The following NEMF variants were observed in gnomAD, a reference collection of about 807,000 sequenced individuals.
NEMF encodes the protein nuclear export mediator factor.
A neutral mutation model predicts 162.2 loss-of-function variants in NEMF; 89 were observed. The ratio of observed to expected loss-of-function variants is 0.55; its 90% CI spans 0.46 to 0.65. NEMF has a LOEUF of 0.65. NEMF is among the 30% of genes least tolerant of loss of function. NEMF has a pLI of 0.00. For synonymous variants in NEMF, 421 were observed against 404.5 expected, an observed-to-expected ratio of 1.04 and a Z score of -0.49; for missense variants, 1,133 against 1,261.9, an observed-to-expected ratio of 0.90 and a Z score of 1.55.
chr14:49,807,260 A>G (rs1891258156), intron 18 of NEMF, among the ~76,000 whole-genome samples: 1 of 152,248 alleles, frequency 6.6e-6, no homozygotes, highest in South Asian at 2.1e-4. Flanking sequence ...TTATATGGAT[A>G]TATCACATTT....
At chr14:49,852,325 G>A (rs1297076796) in intron 1 of NEMF, among the ~76,000 whole-genome samples, 1 of 152,218 alleles carries the variant, frequency 6.6e-6, no homozygotes, top group Non-Finnish European at 1.5e-5. Flanking sequence ...AGGGGAGGGA[G>A]GTGTTCAAGA....
intron 22 of NEMF, among the ~76,000 whole-genome samples, chr14:49,801,870 CA>C (rs1890970676): frequency 6.6e-6 from 1 of 152,118 alleles, no homozygotes; most frequent in Non-Finnish European, 1.5e-5. Context: ...CTTTGTTAAA[CA>C]CATTTATGCA....
At chr14:49,850,085 T>C (rs1419898873) in intron 3 of NEMF, among the ~76,000 whole-genome samples, 1 of 152,086 alleles carries the variant, frequency 6.6e-6, no homozygotes, top group Non-Finnish European at 1.5e-5. Context: ...TTCTAATATG[T>C]GTCAGGTATT....
chr14:49,802,543 C>G lies in NEMF; in HGVS notation c.2005G>C (p.Gly669Arg). The change falls in exon 22 of 33, where the codon GGT (glycine) becomes CGT (arginine). Residue 669 changes from glycine to arginine, a missense_variant. By Grantham distance (125) the Gly-to-Arg change is moderately radical. Around this residue, in one of 3 missense-constraint regions of NEMF, gnomAD observed 532 missense variants for 578.6 expected, o/e 0.92. Transcript: ENST00000298310. ...VDESCVWRHQGERKVRVQDED... is the reference protein window; with the variant it reads ...VDESCVWRHQRERKVRVQDED... ...TCCTGTACTCTGACTTTTCGTTCAC[C>G]CTGATGTCTCCAAACACAAGACTCA... 1 of 1,613,858 alleles carries G rather than the reference C, an allele frequency of 6.2e-7. No individual in the cohort carries two copies. The highest frequency in any genetic ancestry group is 8.5e-7 in the Non-Finnish European group (1 of 1,179,934).
Position 49,782,567 on chromosome 14 carries a change from T to G in NEMF, c.*2069A>C. ...GCACACAGTAATGAAATACTAATATTTTCAGTTCAACCAAAATCTCTTGTA... is the reference window on the plus strand; with the variant it reads ...GCACACAGTAATGAAATACTAATATGTTCAGTTCAACCAAAATCTCTTGTA... On this transcript the variant is annotated 3_prime_UTR_variant, in exon 33 of 33. Transcript: ENST00000298310. The G allele has an allele frequency of 6.2e-7, 1 of 1,607,578 alleles. No individual in the cohort carries two copies. Among genetic ancestry groups the G allele is most frequent in the Non-Finnish European group, 8.5e-7 (1 of 1,176,014 alleles).
intron 22 of NEMF, chr14:49,800,943 C>T (rs1241741944): frequency 7.4e-6 from 3 of 404,034 alleles, no homozygotes; most frequent in Non-Finnish European, 1.3e-5. Flanking sequence ...ACCCTTTCAA[C>T]AATGAAAACC....
chr14:49,806,385 C>A (rs771859735), intron 18 of NEMF, among the ~76,000 whole-genome samples: 144 of 148,478 alleles, frequency 9.7e-4, no homozygotes, highest in Admixed American at 1.9e-3. Context: ...CTCAGCCTCC[C>A]GAGTAGCTGC....
At chr14:49,801,398 G>A (rs1434473229) in intron 22 of NEMF, 7 of 151,988 alleles carry the variant, frequency 4.6e-5, no homozygotes, top group African/African-American at 1.7e-4. Context: ...TGAGGCAGAA[G>A]AATTGCTAGA....
In NEMF at chr14:49,784,429, A is replaced by G. The variant is rs1890061005; in HGVS notation, c.*207T>C. On this transcript the variant is annotated 3_prime_UTR_variant, in exon 33 of 33. Transcript: ENST00000298310. ...ATTAATTAGCATTTAACTGTCCACA[A>G]ATACTTTTGGAAATCCTATCATAGA... 2 of 469,628 alleles carry G rather than the reference A, an allele frequency of 4.3e-6. No individual in the cohort carries two copies. Among genetic ancestry groups the G allele is most frequent in the South Asian group, 8.3e-5 (2 of 24,028 alleles). 29.1% of individuals were successfully genotyped at this position (469,628 alleles called of 1,614,324 possible).
intron 3 of NEMF, among the ~76,000 whole-genome samples, chr14:49,847,706 CTTTTTTTTTT>C (rs79188374): frequency 8.4e-4 from 116 of 138,050 alleles, no homozygotes; most frequent in African/African-American, 3.0e-3. Context: ...CCTACCAATT[CTTTTTTTTTT>C]TTTTTTTTTT....
chr14:49,851,837 T>C lies in NEMF; in HGVS notation c.98A>G (p.Asp33Gly), dbSNP rs202164770. Residue 33 changes from aspartate (D) to glycine (G), a missense_variant, in exon 2 of 33, where the codon GAT (aspartate) becomes GGT (glycine). Coordinates refer to ENST00000298310, the MANE Select transcript of NEMF (RefSeq NM_004713.6). ...GMRVNNVYDVDNKTYLIRLQK... is the reference protein window; with the variant it reads ...GMRVNNVYDVGNKTYLIRLQK... The stretch of plus-strand genomic sequence containing the variant: ...AAGACGAATAAGGTATGTCTTATTA[T>C]CCACATCATAAACATTGTTTACTCT... The C allele has an allele frequency of 1.7e-5, 27 of 1,587,944 alleles. No individual in the cohort carries two copies. In the East Asian group the frequency reaches 6.0e-4, roughly 35 times the overall value.
chr14:49,807,528 G>A (rs1041470366), intron 18 of NEMF, among the ~76,000 whole-genome samples: 1 of 150,154 alleles, frequency 6.7e-6, no homozygotes, highest in Non-Finnish European at 1.5e-5. Context: ...TCACCAACAC[G>A]TGTTATTGTT....
At chr14:49,832,491 C>A (rs927745138) in intron 8 of NEMF, among the ~76,000 whole-genome samples, 1 of 152,038 alleles carries the variant, frequency 6.6e-6, no homozygotes, top group Admixed American at 6.6e-5. Context: ...GCCACCATAC[C>A]TGGCTAATTT....
Position 49,806,117 on chromosome 14 carries a change from T to TG in NEMF, c.1760dup (p.Arg588ThrfsTer5). 6 of 1,610,822 alleles carry TG rather than the reference T, an allele frequency of 3.7e-6. No homozygotes were observed. The highest frequency in any genetic ancestry group is 5.1e-6 in the Non-Finnish European group (6 of 1,178,938). ...TTGTGCCAGCTTCAGTCAAGGTCCG[T>TG]GGGGGGATGGGTTCTCCTAGAATAA... On this transcript the variant is annotated frameshift_variant, in exon 19 of 33. Coordinates refer to ENST00000298310, the MANE Select transcript of NEMF (RefSeq NM_004713.6). LOFTEE classifies it high-confidence loss of function.
intron 15 of NEMF, 113 bp downstream of exon 15, chr14:49,828,178 G>A: frequency 2.5e-6 from 2 of 811,102 alleles, no homozygotes; most frequent in East Asian, 2.6e-5. Flanking sequence ...GCAAAGTTAA[G>A]TTTGAAAGAT....
At chr14:49,831,179 G>A (rs779538350) in intron 11 of NEMF, 120 bp downstream of exon 11, 13 of 613,880 alleles carry the variant, frequency 2.1e-5, no homozygotes, top group Non-Finnish European at 3.5e-5. Flanking sequence ...AAAGAGGCAG[G>A]TCAGAGAGTT....
intron 29 of NEMF, 161 bp from the exon 30 acceptor site, chr14:49,785,481 A>AAG: frequency 1.7e-6 from 1 of 598,184 alleles, no homozygotes; most frequent in Non-Finnish European, 3.0e-6. Flanking sequence ...CATAGTTCCA[A>AAG]AGAGTTGAAG....
intron 3 of NEMF, among the ~76,000 whole-genome samples, chr14:49,846,743 G>T (rs1225014936): frequency 6.6e-6 from 1 of 152,186 alleles, no homozygotes; most frequent in Non-Finnish European, 1.5e-5. Flanking sequence ...GGGATTACAA[G>T]CGTAAGCTAC....
rs1167096923 is a variant in NEMF at position 49,784,637 on chromosome 14, T to A, written c.3230A>T (p.Ter1077LeuextTer3). 9 of 1,603,382 alleles carry A rather than the reference T, an allele frequency of 5.6e-6. No homozygotes were observed. In the East Asian group the frequency reaches 2.0e-4, roughly 36 times the overall value. ...AAATATTTTAGAATTTCATTTCAGC[T>A]ATTTCCTTTTTACGTTCAGAAGATT... ...APNLLNVKRK[*>L] Residue 1077 changes from the stop codon to leucine (L), a stop_lost, in exon 33 of 33, where the codon TAG becomes TTG. Transcript: ENST00000298310.
Sources: allele counts gnomAD v4.1 joint callset (sites outside exome capture counted in the v4.1 genomes callset), GRCh38; gene constraint gnomAD v4.1.1; regional missense constraint gnomAD v4.1.1; transcripts MANE v1.5; gene names NCBI Gene and HGNC (gene_info 2026-07-23, HGNC 2026-07-21).